Variants in GRM1 observed in about 807,000 individuals in gnomAD.
The protein encoded by GRM1 is glutamate metabotropic receptor 1, also known as metabotropic glutamate receptor 1.
In GRM1, 33 loss-of-function variants were observed where a neutral mutation model predicts 90.9. The ratio of observed to expected loss-of-function variants is 0.36; its 90% CI spans 0.28 to 0.49. The LOEUF is 0.49. Ranked by LOEUF, GRM1 falls within the 20% of genes least tolerant of loss-of-function variation. The pLI is 0.99. For missense variants in GRM1, 1,190 were observed against 1,534.3 expected (o/e 0.78, Z 3.75); for synonymous variants, 700 against 613.2 (o/e 1.14, Z -2.09).
chr6:146,210,579 C>A (rs1016306158), intron 2 of GRM1, among the ~76,000 whole-genome samples: 2 of 151,972 alleles, frequency 1.3e-5, no homozygotes, highest in African/African-American at 4.8e-5. Context: ...GTTGCAGGAA[C>A]AGGGATAGGA....
At chr6:146,374,153 TGTATCG>T (rs3065115) in intron 5 of GRM1, among the ~76,000 whole-genome samples, 86,890 of 151,246 alleles carry the variant, frequency 0.57, 27,080 homozygotes, top group African/African-American at 0.85. Context: ...GTTGATATGA[TGTATCG>T]GTATCGCATT....
intron 1 of GRM1, among the ~76,000 whole-genome samples, chr6:146,118,436 G>A (rs1775848429): frequency 6.6e-6 from 1 of 152,032 alleles, no homozygotes; most frequent in African/African-American, 2.4e-5. Context: ...ACTGTGCCCG[G>A]CCTATTTATT....
At chr6:146,406,332 G>T (rs960963105) in intron 7 of GRM1, among the ~76,000 whole-genome samples, 2 of 152,148 alleles carry the variant, frequency 1.3e-5, no homozygotes, top group Non-Finnish European at 2.9e-5. Context: ...GAAAAATCAG[G>T]CTGGGAACTT....
At chr6:146,272,991 G>A (rs1562573011) in intron 2 of GRM1, among the ~76,000 whole-genome samples, 2 of 152,164 alleles carry the variant, frequency 1.3e-5, no homozygotes, top group South Asian at 4.1e-4. Flanking sequence ...AACACAAAAT[G>A]ATTTGGGGGC....
At chr6:146,094,377 A>G (rs568607721) in intron 1 of GRM1, among the ~76,000 whole-genome samples, 48 of 152,170 alleles carry the variant, frequency 3.2e-4, no homozygotes, top group African/African-American at 1.1e-3. Flanking sequence ...GGTCATTACT[A>G]CATTAACATG....
At chr6:146,261,196 G>C (rs542390142) in intron 2 of GRM1, among the ~76,000 whole-genome samples, 1 of 152,234 alleles carries the variant, frequency 6.6e-6, no homozygotes, top group Non-Finnish European at 1.5e-5. Context: ...GTTCAGGGAT[G>C]AAGCAAAAAT....
intron 2 of GRM1, among the ~76,000 whole-genome samples, chr6:146,258,115 T>C (rs1781555656): frequency 6.6e-6 from 1 of 152,178 alleles, no homozygotes; most frequent in South Asian, 2.1e-4. Context: ...GAAGCTGGTT[T>C]AAGATTTTAC....
At chr6:146,327,443 T>C (rs1172913174) in intron 3 of GRM1, among the ~76,000 whole-genome samples, 1 of 152,184 alleles carries the variant, frequency 6.6e-6, no homozygotes, top group Non-Finnish European at 1.5e-5. Context: ...GAAATGAAAC[T>C]CTTCCTGATA....
intron 1 of GRM1, among the ~76,000 whole-genome samples, chr6:146,091,597 G>A (rs1582989957): frequency 6.6e-6 from 1 of 152,074 alleles, no homozygotes; most frequent in East Asian, 1.9e-4. Context: ...AGTGTGGCAA[G>A]GACATGGGGG....
At chr6:146,128,979 G>C (rs1036380399) in intron 1 of GRM1, among the ~76,000 whole-genome samples, 1 of 151,970 alleles carries the variant, frequency 6.6e-6, no homozygotes, top group Non-Finnish European at 1.5e-5. Flanking sequence ...CTTTAGATGT[G>C]GTTTCCAGAA....
Position 146,357,563 on chromosome 6 carries a change from C to T in GRM1, c.1471C>T (p.Arg491Cys), listed in dbSNP as rs746603273. Residue 491 changes from arginine to cysteine, a missense_variant, in exon 5 of 8, where the codon CGC becomes TGC. Physicochemically the swap from Arg to Cys is radical, Grantham distance 180. Transcript: ENST00000282753. ...IMNLQYTEAN[R>C]YDYVHVGTWH... is the part of the protein sequence containing the mutation. ...GAATCTGCAGTACACTGAAGCTAAT[C>T]GCTATGACTATGTGCACGTTGGAAC... 24 of 1,613,466 alleles carry T rather than the reference C, an allele frequency of 1.5e-5. No individual in the cohort carries two copies. Among genetic ancestry groups the T allele is most frequent in the South Asian group, 1.1e-4 (10 of 91,076 alleles).
At chr6:146,335,969 C>T (rs1201559191) in intron 3 of GRM1, among the ~76,000 whole-genome samples, 1 of 152,198 alleles carries the variant, frequency 6.6e-6, no homozygotes, top group Non-Finnish European at 1.5e-5. Context: ...TGCACATGAT[C>T]TCCTGCCTGT....
chr6:146,291,661 G>C lies in GRM1; in HGVS notation c.951-12950G>C, dbSNP rs1782990389. Among the ~76,000 whole-genome samples, 5 of 151,950 alleles carry C rather than the reference G, an allele frequency of 3.3e-5. 1 individual carries two copies. The South Asian group carries it at 1.0e-3, about 31-fold the overall frequency. ...TAAATAAGACACAAATAAATGGAAA[G>C]ATATGCATGGATTGGAAAACTTAAT... On this transcript the variant is annotated intron_variant, in intron 2 of 7. Coordinates refer to ENST00000282753, the MANE Select transcript of GRM1 (RefSeq NM_001278064.2).
chr6:146,350,819 T>C (rs530572958), intron 3 of GRM1, among the ~76,000 whole-genome samples: 14 of 152,348 alleles, frequency 9.2e-5, no homozygotes, highest in African/African-American at 3.1e-4. Flanking sequence ...AAAATTTCCT[T>C]TAAATCAGGA....
intron 3 of GRM1, among the ~76,000 whole-genome samples, chr6:146,312,927 G>T (rs1181139418): frequency 6.6e-6 from 1 of 152,206 alleles, no homozygotes; most frequent in Non-Finnish European, 1.5e-5. Context: ...GCCTAGTTAA[G>T]TTCTTTAATC....
chr6:146,238,497 G>C (rs1780732274), intron 2 of GRM1, among the ~76,000 whole-genome samples: 1 of 152,038 alleles, frequency 6.6e-6, no homozygotes, highest in Non-Finnish European at 1.5e-5. Flanking sequence ...CTGGTATTTT[G>C]TTTCATTATC....
At chr6:146,397,473 C>CAAAAAAAAAAAAAAAAAAAAAAAAAAA (rs1195779695) in intron 6 of GRM1, among the ~76,000 whole-genome samples, 1 of 16,762 alleles carries the variant, frequency 6.0e-5, no homozygotes, top group African/African-American at 2.2e-4. Context: ...GACCCCGTCT[C>CAAAAAAAAAAAAAAAAAAAAAAAAAAA]AAAAAAAAAA....
In GRM1 at chr6:146,288,199, T is replaced by G. The variant is rs567437943; in HGVS notation, c.951-16412T>G. Among the ~76,000 whole-genome samples, 5 of 151,962 alleles carry G rather than the reference T, an allele frequency of 3.3e-5. No individual in the cohort carries two copies. The East Asian group carries it at 5.8e-4, about 18-fold the overall frequency. On this transcript the variant is annotated intron_variant, in intron 2 of 7. Transcript: ENST00000282753. Reference sequence around the variant, plus strand: ...CCCTGTTAAGGAGTACTCTGGAGGGTGTGAGGAGCCTGGTGGAGAATACCC... The same window carrying G: ...CCCTGTTAAGGAGTACTCTGGAGGGGGTGAGGAGCCTGGTGGAGAATACCC...
chr6:146,372,969 A>G (rs1277750631), intron 5 of GRM1, among the ~76,000 whole-genome samples: 4 of 152,000 alleles, frequency 2.6e-5, no homozygotes, highest in Non-Finnish European at 5.9e-5. Context: ...TTCTATACAA[A>G]CTTTAGGATA....
Sources: gnomAD v4.1 joint callset for allele counts (sites outside exome capture counted in the v4.1 genomes callset) on GRCh38, gnomAD v4.1.1 for gene constraint, MANE v1.5 for transcripts, NCBI Gene and HGNC (gene_info 2026-07-23, HGNC 2026-07-21) for gene names.